ARGLU1: variants seen among roughly 807,000 people sequenced by gnomAD.
The protein encoded by ARGLU1 is arginine and glutamate-rich protein 1.
Under a neutral mutation model 37.6 loss-of-function variants are expected in ARGLU1, and 9 were observed. The ratio of observed to expected loss-of-function variants is 0.24; its 90% CI spans 0.14 to 0.42. The LOEUF (loss-of-function observed/expected upper bound fraction) is 0.42, where lower values mean the gene tolerates loss of function less well. ARGLU1 is among the 10% of genes least tolerant of loss of function. ARGLU1 has a pLI of 1.00. For missense variants in ARGLU1, 211 were observed against 359.2 expected, an observed-to-expected ratio of 0.59 and a Z score of 3.34; for synonymous variants, 166 against 138.5, an observed-to-expected ratio of 1.20 and a Z score of -1.39.
At chr13:106,553,442 T>G (rs1880584094) in intron 3 of ARGLU1, among the ~76,000 whole-genome samples, 1 of 152,226 alleles carries the variant, frequency 6.6e-6, no homozygotes, top group African/African-American at 2.4e-5. Flanking sequence ...TTGTAAATGA[T>G]TCTATCTCAT....
chr13:106,556,802 A>C (rs1880671685), intron 3 of ARGLU1, among the ~76,000 whole-genome samples: 1 of 152,190 alleles, frequency 6.6e-6, no homozygotes, highest in Non-Finnish European at 1.5e-5. Context: ...AAAACTGGGG[A>C]TAGAGAACAA....
intron 1 of ARGLU1, among the ~76,000 whole-genome samples, chr13:106,562,865 T>G (rs1042964672): frequency 6.6e-6 from 1 of 151,068 alleles, no homozygotes; most frequent in Non-Finnish European, 1.5e-5. Flanking sequence ...AAATAAAAAT[T>G]AGCTGGGTGT....
intron 1 of ARGLU1, among the ~76,000 whole-genome samples, chr13:106,563,890 T>G (rs1306886738): frequency 1.3e-5 from 2 of 152,234 alleles, no homozygotes; most frequent in Non-Finnish European, 2.9e-5. Flanking sequence ...CGGAGGATAT[T>G]CGAACCTAGA....
intron 1 of ARGLU1, among the ~76,000 whole-genome samples, chr13:106,565,533 T>C (rs948635137): frequency 1.3e-5 from 2 of 152,228 alleles, no homozygotes; most frequent in African/African-American, 4.8e-5. Context: ...ATCTTTATAT[T>C]AACAGTACCT....
intron 3 of ARGLU1, among the ~76,000 whole-genome samples, chr13:106,547,862 A>G (rs1352087934): frequency 1.3e-5 from 2 of 152,224 alleles, no homozygotes; most frequent in Admixed American, 6.5e-5. Context: ...TAATTAAAAA[A>G]ACAAGATTTT....
intron 1 of ARGLU1, among the ~76,000 whole-genome samples, chr13:106,566,009 A>G (rs1028081896): frequency 6.6e-6 from 1 of 152,224 alleles, no homozygotes; most frequent in East Asian, 1.9e-4. Context: ...TTGTTTTCAC[A>G]TGTAGAAATT....
At chr13:106,565,569 T>C (rs1880939818) in intron 1 of ARGLU1, among the ~76,000 whole-genome samples, 1 of 152,242 alleles carries the variant, frequency 6.6e-6, no homozygotes, top group South Asian at 2.1e-4. Context: ...ACTTATTAAA[T>C]GCTCAATAAA....
intron 3 of ARGLU1, among the ~76,000 whole-genome samples, chr13:106,552,629 C>T (rs988486326): frequency 2.4e-4 from 37 of 152,240 alleles, no homozygotes; most frequent in African/African-American, 8.7e-4. Flanking sequence ...CATTTCAGAA[C>T]AGTATCTGAG....
chr13:106,564,170 T>C (rs1169950178), intron 1 of ARGLU1, among the ~76,000 whole-genome samples: 3 of 152,156 alleles, frequency 2.0e-5, no homozygotes, highest in Non-Finnish European at 4.4e-5. Context: ...TCTTTAAAAA[T>C]GTAAAGGCCT....
In ARGLU1 at chr13:106,543,824, G is replaced by T; in HGVS notation, c.*172C>A. The T allele has an allele frequency of 2.1e-6, 1 of 465,326 alleles. No individual in the cohort carries two copies. Among genetic ancestry groups the T allele is most frequent in the Non-Finnish European group, 3.4e-6 (1 of 290,756 alleles). The allele number at this position is 465,326 out of a possible 1,614,324, so 28.8% of individuals were successfully genotyped here. On this transcript the variant is annotated 3_prime_UTR_variant, in exon 4 of 4. Transcript: ENST00000400198. ...CTGATAAGGATTTGACTTAGTGGAAGGAAAAAAAAAAAAAAAAAGGGAATT... is the reference window on the plus strand; with the variant it reads ...CTGATAAGGATTTGACTTAGTGGAATGAAAAAAAAAAAAAAAAAGGGAATT...
At chr13:106,558,787 T>TA (rs1395574947) in intron 2 of ARGLU1, 2 of 985,208 alleles carry the variant, frequency 2.0e-6, no homozygotes, top group Non-Finnish European at 2.4e-6. Context: ...TAGTAGATAC[T>TA]AAAAAAAGTG....
At chr13:106,560,646 T>C (rs1483668877) in intron 1 of ARGLU1, among the ~76,000 whole-genome samples, 2 of 152,234 alleles carry the variant, frequency 1.3e-5, no homozygotes, top group Non-Finnish European at 2.9e-5. Context: ...AAATTTTACA[T>C]TGCATATATT....
At chr13:106,555,531 A>G (rs1880641199) in intron 3 of ARGLU1, among the ~76,000 whole-genome samples, 1 of 152,218 alleles carries the variant, frequency 6.6e-6, no homozygotes, top group South Asian at 2.1e-4. Context: ...TTACAGCAAT[A>G]TGACCTCATT....
intron 1 of ARGLU1, among the ~76,000 whole-genome samples, chr13:106,560,183 G>GACCAACTTAAAAGTT (rs1880759690): frequency 6.6e-6 from 1 of 152,140 alleles, no homozygotes; most frequent in African/African-American, 2.4e-5. Flanking sequence ...CTGAAAATAT[G>GACCAACTTAAAAGTT]ACCAACTTAA....
intron 2 of ARGLU1, chr13:106,558,107 G>A (rs1880701917): frequency 3.0e-6 from 3 of 984,966 alleles, no homozygotes; most frequent in Non-Finnish European, 3.6e-6. Context: ...GACTGTCAGA[G>A]GGTTGTGTCC....
At chr13:106,546,249 C>T (rs965137149) in intron 3 of ARGLU1, among the ~76,000 whole-genome samples, 1 of 152,168 alleles carries the variant, frequency 6.6e-6, no homozygotes, top group African/African-American at 2.4e-5. Context: ...CTTTCTTGAC[C>T]ACTGCTCACT....
intron 3 of ARGLU1, among the ~76,000 whole-genome samples, chr13:106,549,076 G>A (rs112962127): frequency 6.6e-6 from 1 of 152,114 alleles, no homozygotes; most frequent in African/African-American, 2.4e-5. Flanking sequence ...TTACCCAGAG[G>A]ATCTACTGAT....
At chr13:106,564,431 A>T (rs892537137) in intron 1 of ARGLU1, among the ~76,000 whole-genome samples, 1 of 152,230 alleles carries the variant, frequency 6.6e-6, no homozygotes, top group Non-Finnish European at 1.5e-5. Context: ...TATAAGTGGT[A>T]AACCAATAAG....
At chr13:106,565,403 C>G (rs1422821151) in intron 1 of ARGLU1, among the ~76,000 whole-genome samples, 1 of 152,154 alleles carries the variant, frequency 6.6e-6, no homozygotes, top group East Asian at 1.9e-4. Context: ...TATCCTCCAC[C>G]CACACAGGAT....
Sources: gnomAD v4.1 joint callset for allele counts (sites outside exome capture counted in the v4.1 genomes callset) on GRCh38, gnomAD v4.1.1 for gene constraint, MANE v1.5 for transcripts, NCBI Gene and HGNC (gene_info 2026-07-23, HGNC 2026-07-21) for gene names.